XKR4: variants seen among roughly 807,000 people sequenced by gnomAD.
XKR4 encodes XK related 4, also known as XK-related protein 4.
Under a neutral mutation model 53.9 loss-of-function variants are expected in XKR4, and 12 were observed. That is an observed-to-expected ratio of 0.22 (90% confidence interval 0.14 to 0.36). XKR4 has a LOEUF of 0.36. XKR4 is among the 10% of genes least tolerant of loss of function. The pLI is 1.00. For missense variants in XKR4, 799 were observed against 859.5 expected, an observed-to-expected ratio of 0.93 and a Z score of 0.88; for synonymous variants, 354 against 362.4, an observed-to-expected ratio of 0.98 and a Z score of 0.26.
chr8:55,403,031 C>A (rs999812767), intron 2 of XKR4, among the ~76,000 whole-genome samples: 1 of 152,194 alleles, frequency 6.6e-6, no homozygotes, highest in African/African-American at 2.4e-5. Context: ...CTCTTCACAG[C>A]CACAGGAGGC....
intron 2 of XKR4, among the ~76,000 whole-genome samples, chr8:55,503,768 T>C (rs1198208772): frequency 2.0e-5 from 3 of 152,212 alleles, no homozygotes; most frequent in Admixed American, 6.5e-5. Context: ...TGGGCATCCT[T>C]GTCTTTTTCT....
In XKR4 at chr8:55,273,090, G is replaced by A. The variant is rs1192730171; in HGVS notation, c.807-84588G>A. ...TCTGTTAGCTTCATTTTTCCCTCTA[G>A]TAAAATAGGAATAGCATAGAATGGA... On this transcript the variant is annotated intron_variant, in intron 1 of 2. Coordinates refer to ENST00000327381, the MANE Select transcript of XKR4 (RefSeq NM_052898.2). Among the ~76,000 whole-genome samples, 3 of 151,754 alleles carry A rather than the reference G, an allele frequency of 2.0e-5. No homozygotes were observed. In the East Asian group the frequency reaches 5.8e-4, roughly 29 times the overall value.
intron 2 of XKR4, among the ~76,000 whole-genome samples, chr8:55,358,786 G>A (rs1160798645): frequency 1.3e-5 from 2 of 152,212 alleles, no homozygotes; most frequent in African/African-American, 2.4e-5. Context: ...GCCTCTGTGC[G>A]CCCCTCTGGG....
chr8:55,320,097 G>A (rs948616704), intron 1 of XKR4, among the ~76,000 whole-genome samples: 9 of 152,160 alleles, frequency 5.9e-5, no homozygotes, highest in South Asian at 2.1e-4. Context: ...TAATAATTCA[G>A]CAGCCAGTGC....
chr8:55,493,905 T>G (rs573220415), intron 2 of XKR4, among the ~76,000 whole-genome samples: 1 of 152,374 alleles, frequency 6.6e-6, no homozygotes, highest in South Asian at 2.1e-4. Flanking sequence ...AAGTTAGTAA[T>G]CTTCGTATCC....
intron 2 of XKR4, among the ~76,000 whole-genome samples, chr8:55,401,157 C>T (rs1804596245): frequency 6.6e-6 from 1 of 152,236 alleles, no homozygotes; most frequent in Admixed American, 6.5e-5. Flanking sequence ...CACTTTGGAA[C>T]TGCAGACATT....
chr8:55,147,473 A>G (rs552008407), intron 1 of XKR4, among the ~76,000 whole-genome samples: 2 of 152,284 alleles, frequency 1.3e-5, no homozygotes, highest in African/African-American at 4.8e-5. Flanking sequence ...TATGCCTTTT[A>G]ATTATGAAGC....
At chr8:55,400,483 A>G (rs1804582793) in intron 2 of XKR4, among the ~76,000 whole-genome samples, 1 of 152,186 alleles carries the variant, frequency 6.6e-6, no homozygotes, top group Non-Finnish European at 1.5e-5. Flanking sequence ...CAGGAACCCA[A>G]GTCCCTGCTG....
chr8:55,368,030 G>A (rs112778863), intron 2 of XKR4, among the ~76,000 whole-genome samples: 8 of 152,074 alleles, frequency 5.3e-5, no homozygotes, highest in African/African-American at 1.7e-4. Flanking sequence ...GCACAATCTC[G>A]GCTCACTGCA....
intron 1 of XKR4, among the ~76,000 whole-genome samples, chr8:55,230,982 C>T (rs527554406): frequency 6.6e-6 from 1 of 152,248 alleles, no homozygotes; most frequent in South Asian, 2.1e-4. Context: ...TGTCTGAGCT[C>T]TGGGGATTTT....
At chr8:55,368,467 T>C (rs1804025640) in intron 2 of XKR4, among the ~76,000 whole-genome samples, 5 of 152,104 alleles carry the variant, frequency 3.3e-5, no homozygotes, top group African/African-American at 9.7e-5. Context: ...TGCTGCCCCA[T>C]CAAGGACCCT....
chr8:55,343,938 A>G (rs1803595487), intron 1 of XKR4, among the ~76,000 whole-genome samples: 1 of 152,114 alleles, frequency 6.6e-6, no homozygotes, highest in African/African-American at 2.4e-5. Flanking sequence ...TTGGACCTAA[A>G]CCTCTGAAAG....
chr8:55,409,114 G>C (rs1804738221), intron 2 of XKR4, among the ~76,000 whole-genome samples: 1 of 152,144 alleles, frequency 6.6e-6, no homozygotes, highest in South Asian at 2.1e-4. Context: ...AGGACCATGA[G>C]GCACAGAAAC....
At chr8:55,250,332 G>A (rs1449566675) in intron 1 of XKR4, among the ~76,000 whole-genome samples, 2 of 152,098 alleles carry the variant, frequency 1.3e-5, no homozygotes, top group South Asian at 2.1e-4. Flanking sequence ...ATAGAATGAA[G>A]CACATTTATT....
chr8:55,375,586 G>A (rs1340591259), intron 2 of XKR4, among the ~76,000 whole-genome samples: 2 of 152,004 alleles, frequency 1.3e-5, no homozygotes, highest in Non-Finnish European at 1.5e-5. Context: ...GAAACCTCAC[G>A]AATCTTCCAG....
intron 1 of XKR4, among the ~76,000 whole-genome samples, chr8:55,153,697 CA>C (rs1379260288): frequency 6.6e-6 from 1 of 152,292 alleles, no homozygotes; most frequent in African/African-American, 2.4e-5. Flanking sequence ...ACTTTGATGA[CA>C]AATCTTAACT....
chr8:55,349,066 A>C lies in XKR4; in HGVS notation c.807-8612A>C, dbSNP rs1803691372. Among the ~76,000 whole-genome samples, 8 of 152,348 alleles carry C rather than the reference A, an allele frequency of 5.3e-5. No homozygotes were observed. In the South Asian group the frequency reaches 1.7e-3, roughly 32 times the overall value. ...CATTGCTACTTTGATTTTACTCCTG[A>C]AAAAAATCAACTTATTTTTACTGAC... On this transcript the variant is annotated intron_variant, in intron 1 of 2. Coordinates refer to ENST00000327381, the MANE Select transcript of XKR4 (RefSeq NM_052898.2).
intron 1 of XKR4, among the ~76,000 whole-genome samples, chr8:55,121,337 C>A (rs998115004): frequency 6.6e-6 from 1 of 152,136 alleles, no homozygotes; most frequent in Non-Finnish European, 1.5e-5. Context: ...CCCACACTTA[C>A]CAATTTCTGA....
At chr8:55,389,500 G>C in intron 2 of XKR4, among the ~76,000 whole-genome samples, 1 of 152,146 alleles carries the variant, frequency 6.6e-6, no homozygotes, top group East Asian at 1.9e-4. Flanking sequence ...TTGTCTCGTG[G>C]AATCCATCAG....
Sources: gnomAD v4.1 joint callset for allele counts (sites outside exome capture counted in the v4.1 genomes callset) on GRCh38, gnomAD v4.1.1 for gene constraint, MANE v1.5 for transcripts, NCBI Gene and HGNC (gene_info 2026-07-23, HGNC 2026-07-21) for gene names.